The following CAPZB variants were observed in gnomAD, a reference collection of about 807,000 sequenced individuals.
The protein encoded by CAPZB is F-actin-capping protein subunit beta.
CAPZB carries 2 observed loss-of-function variants against 38.1 expected under a neutral mutation model. The observed-to-expected ratio is 0.05, with a 90% CI of 0.02 to 0.17. CAPZB has a LOEUF of 0.17. Among genes scored for constraint, CAPZB ranks in the 10% least tolerant of loss-of-function variants. CAPZB has a pLI of 1.00. For synonymous variants in CAPZB, 107 were observed against 127.4 expected (o/e 0.84, Z 1.08); for missense variants, 161 against 334.2 (o/e 0.48, Z 4.04).
intron 3 of CAPZB, among the ~76,000 whole-genome samples, chr1:19,383,296 A>G (rs1265434475): frequency 6.6e-6 from 1 of 151,844 alleles, no homozygotes; most frequent in Non-Finnish European, 1.5e-5. Context: ...AAATACAAAG[A>G]CTAGCTGGGA....
chr1:19,345,406 C>G (rs1177445870), intron 6 of CAPZB, among the ~76,000 whole-genome samples, 154 bp from the exon 7 acceptor site: 1 of 152,246 alleles, frequency 6.6e-6, no homozygotes, highest in South Asian at 2.1e-4. Flanking sequence ...AGCCTGGGAA[C>G]TGAAGCACAA....
chr1:19,485,031 G>A (rs12751474), intron 1 of CAPZB, among the ~76,000 whole-genome samples: 2,023 of 152,174 alleles, frequency 0.013, 35 homozygotes, highest in African/African-American at 0.044. Flanking sequence ...CGACGGCCTA[G>A]CCTGGGCCGG....
chr1:19,443,584 T>TAGA (rs1274737323), intron 1 of CAPZB, among the ~76,000 whole-genome samples: 1 of 152,070 alleles, frequency 6.6e-6, no homozygotes, highest in Non-Finnish European at 1.5e-5. Context: ...AAACAACAGC[T>TAGA]TTCTCTCAGG....
chr1:19,346,802 T>C (rs1056266018), intron 6 of CAPZB, among the ~76,000 whole-genome samples: 2 of 148,400 alleles, frequency 1.3e-5, no homozygotes, highest in Non-Finnish European at 3.0e-5. Context: ...GCGGCAGCAC[T>C]GACCCGACTT....
intron 2 of CAPZB, among the ~76,000 whole-genome samples, chr1:19,407,448 C>T (rs548809029): frequency 6.6e-6 from 1 of 152,030 alleles, no homozygotes; most frequent in African/African-American, 2.4e-5. Context: ...GAAAAGGGTA[C>T]CTGGGGGGAG....
intron 1 of CAPZB, among the ~76,000 whole-genome samples, chr1:19,443,600 C>T (rs2094486009): frequency 6.7e-6 from 1 of 150,226 alleles, no homozygotes; most frequent in Non-Finnish European, 1.5e-5. Flanking sequence ...TCAGGGTATG[C>T]TTAAGTTATT....
chr1:19,350,706 C>T (rs1279096703), intron 6 of CAPZB, among the ~76,000 whole-genome samples: 1 of 152,124 alleles, frequency 6.6e-6, no homozygotes, highest in African/African-American at 2.4e-5. Flanking sequence ...CCTCGGCCTC[C>T]CAGGTTCAGG....
At chr1:19,364,632 A>G (rs1196128958) in intron 4 of CAPZB, among the ~76,000 whole-genome samples, 2 of 152,078 alleles carry the variant, frequency 1.3e-5, no homozygotes, top group African/African-American at 2.4e-5. Context: ...TTCTGAACAT[A>G]CTCCAGCTTG....
chr1:19,388,399 GA>G (rs1261272385), intron 2 of CAPZB, among the ~76,000 whole-genome samples: 1 of 152,196 alleles, frequency 6.6e-6, no homozygotes. Context: ...AGAAAGGAGG[GA>G]AAGAGGGAGG....
chr1:19,472,423 C>G (rs2094592106), intron 1 of CAPZB, among the ~76,000 whole-genome samples: 1 of 152,198 alleles, frequency 6.6e-6, no homozygotes, highest in South Asian at 2.1e-4. Flanking sequence ...CTCTGCTCGT[C>G]CCTGGCCGCA....
intron 4 of CAPZB, among the ~76,000 whole-genome samples, chr1:19,374,643 T>C (rs1286507232): frequency 1.3e-5 from 2 of 152,168 alleles, no homozygotes; most frequent in African/African-American, 2.4e-5. Context: ...CCACTCCCCT[T>C]TTCTCCTGGC....
chr1:19,400,586 C>T (rs2094298213), intron 2 of CAPZB, among the ~76,000 whole-genome samples: 1 of 152,156 alleles, frequency 6.6e-6, no homozygotes, highest in Non-Finnish European at 1.5e-5. Context: ...GAAGTGGGAT[C>T]TCTCTCCAAT....
chr1:19,428,200 C>T (rs4534411), intron 1 of CAPZB, among the ~76,000 whole-genome samples: 1 of 152,194 alleles, frequency 6.6e-6, no homozygotes, highest in Non-Finnish European at 1.5e-5. Flanking sequence ...GTCAGGAGTT[C>T]AAGACCAGCA....
At chr1:19,350,987 CTTTT>C (rs72134938) in intron 6 of CAPZB, among the ~76,000 whole-genome samples, 1 of 140,836 alleles carries the variant, frequency 7.1e-6, no homozygotes, top group Admixed American at 7.1e-5. Flanking sequence ...ATGATCTTTC[CTTTT>C]TTTTTTTTTG....
chr1:19,477,574 G>A lies in CAPZB; in HGVS notation c.3+7862C>T, dbSNP rs182623404. ...GGGAGCCCACTCATGTGAAACCAAC[G>A]ACAGCCCATCAGGGTCAAAGCCTCA... On this transcript the variant is annotated intron_variant, in intron 1 of 8. Coordinates refer to ENST00000264202, the MANE Select transcript of CAPZB (RefSeq NM_004930.5). Among the ~76,000 whole-genome samples the A allele has an allele frequency of 1.2e-4, 18 of 152,240 alleles. No individual in the cohort carries two copies. The East Asian group carries it at 2.1e-3, about 18-fold the overall frequency.
chr1:19,421,897 A>G (rs1047473851), intron 1 of CAPZB, among the ~76,000 whole-genome samples: 5 of 152,198 alleles, frequency 3.3e-5, no homozygotes, highest in Non-Finnish European at 7.3e-5. Flanking sequence ...GCATACAAAT[A>G]AACATACAGC....
Position 19,357,360 on chromosome 1 carries a change from G to A in CAPZB, c.471+62C>T. 7 of 1,506,572 alleles carry A rather than the reference G, an allele frequency of 4.6e-6. No homozygotes were observed. Among genetic ancestry groups the A allele is most frequent in the Non-Finnish European group, 6.4e-6 (7 of 1,086,038 alleles). 93.3% of individuals were successfully genotyped at this position (1,506,572 alleles called of 1,614,324 possible). ...ACTGCATCTGTTAGAGAGCAGCGCG[G>A]CACTGGTTGGTGTGCCATCTGTACT... On this transcript the variant is annotated intron_variant, in intron 5 of 8. Coordinates refer to ENST00000264202, the MANE Select transcript of CAPZB (RefSeq NM_004930.5). This position sits in a 1 kb window ranked among gnomAD's most constrained non-coding sequence, Gnocchi z 4.3.
intron 1 of CAPZB, among the ~76,000 whole-genome samples, chr1:19,453,581 C>G (rs1011074870): frequency 6.6e-6 from 1 of 152,144 alleles, no homozygotes; most frequent in Non-Finnish European, 1.5e-5. Flanking sequence ...CTTTCTATGT[C>G]TCAACCTGGG....
At chr1:19,449,082 T>C in intron 1 of CAPZB, 1 of 1,438,604 alleles carries the variant, frequency 7.0e-7, no homozygotes, top group Non-Finnish European at 9.1e-7. Context: ...GGCCAGATGG[T>C]TTTCATTTGC....
Sources: allele counts gnomAD v4.1 joint callset (sites outside exome capture counted in the v4.1 genomes callset), GRCh38; gene constraint gnomAD v4.1.1; non-coding constraint Gnocchi (gnomAD v3.1); transcripts MANE v1.5; gene names NCBI Gene and HGNC (gene_info 2026-07-23, HGNC 2026-07-21).